Variants in THRAP3 observed in about 807,000 individuals in gnomAD.
THRAP3 encodes thyroid hormone receptor-associated protein 3.
Under a neutral mutation model 101.0 loss-of-function variants are expected in THRAP3, and 16 were observed. The observed-to-expected ratio is 0.16, with a 90% CI of 0.11 to 0.24. The LOEUF (loss-of-function observed/expected upper bound fraction) is 0.24. Ranked by LOEUF, THRAP3 falls within the 10% of genes least tolerant of loss-of-function variation. The pLI is 1.00. For missense variants in THRAP3, 989 were observed against 1,202.7 expected, an observed-to-expected ratio of 0.82 and a Z score of 2.63; for synonymous variants, 407 against 422.6, an observed-to-expected ratio of 0.96 and a Z score of 0.45.
chr1:36,274,090 A>AGT (rs1557437768), intron 2 of THRAP3, among the ~76,000 whole-genome samples: 4 of 143,860 alleles, frequency 2.8e-5, no homozygotes, highest in African/African-American at 1.2e-4. Flanking sequence ...ACACACACAC[A>AGT]CACACACACA....
chr1:36,287,549 A>G (rs1645812190), intron 4 of THRAP3: 2 of 985,334 alleles, frequency 2.0e-6, no homozygotes, highest in Non-Finnish European at 2.4e-6. Flanking sequence ...TACCAATGTA[A>G]GCCAAAGAAC....
intron 1 of THRAP3, among the ~76,000 whole-genome samples, chr1:36,258,275 C>T (rs1464865291): frequency 7.2e-5 from 11 of 152,186 alleles, no homozygotes; most frequent in Admixed American, 7.2e-4. Flanking sequence ...AGTGAGGAAT[C>T]AGGGGAAGAA....
At position 36,261,395 on chromosome 1, in the gene THRAP3, C is replaced by T. The variant is rs1180830897; in HGVS notation, c.-32+1911C>T. The stretch of plus-strand genomic sequence containing the variant: ...AAAATACAAAAAAACTAGCCAGGCA[C>T]GGTGGTGGGCGCCTGTAGTCCCAGC... On this transcript the variant is annotated intron_variant, in intron 2 of 11. Coordinates refer to ENST00000354618, the MANE Select transcript of THRAP3 (RefSeq NM_005119.4). Among the ~76,000 whole-genome samples, 13 of 151,998 alleles carry T rather than the reference C, an allele frequency of 8.6e-5. No homozygotes were observed. The East Asian group carries it at 9.7e-4, about 11-fold the overall frequency.
chr1:36,229,339 G>A (rs1307740601), intron 1 of THRAP3, among the ~76,000 whole-genome samples: 4 of 150,432 alleles, frequency 2.7e-5, no homozygotes, highest in Non-Finnish European at 5.9e-5. Flanking sequence ...CTCGTGATCT[G>A]CCCGCCTCAG....
chr1:36,220,222 A>C (rs1331451206), upstream of THRAP3, among the ~76,000 whole-genome samples: 2 of 152,050 alleles, frequency 1.3e-5, no homozygotes, highest in Admixed American at 1.3e-4. Flanking sequence ...CAAAGTCCTG[A>C]CCTCAAGTGA....
chr1:36,211,062 A>T, the THRAP3 span, among the ~76,000 whole-genome samples: 2 of 151,564 alleles, frequency 1.3e-5, no homozygotes, highest in African/African-American at 2.4e-5. Context: ...AAAAAAAATT[A>T]AAAACCCGGG....
chr1:36,211,893 T>C, the THRAP3 span, among the ~76,000 whole-genome samples: 2 of 152,202 alleles, frequency 1.3e-5, no homozygotes, highest in African/African-American at 4.8e-5. Context: ...TGATTTCCCT[T>C]TCCAGCTTCC....
chr1:36,289,514 T>A lies in THRAP3; in HGVS notation c.1495T>A (p.Ser499Thr), dbSNP rs751910995. The A allele has an allele frequency of 1.4e-5, 23 of 1,613,378 alleles. No individual in the cohort carries two copies. Among genetic ancestry groups the A allele is most frequent in the South Asian group, 6.6e-5 (6 of 91,052 alleles). The change falls in exon 5 of 12, where the codon TCC becomes ACC. Residue 499 changes from serine (S) to threonine (T), a missense_variant. By Grantham distance (58) the Ser-to-Thr change is moderately conservative. Transcript: ENST00000354618. ...ELEEESFPER[S>T]KKEDRGKRSE... is the part of the protein sequence containing the mutation. ...GGAGGAGGAGTCTTTCCCAGAGAGA[T>A]CCAAAAAGGAAGATCGGGGCAAGAG...
At chr1:36,266,037 C>T (rs1645509822) in intron 2 of THRAP3, among the ~76,000 whole-genome samples, 1 of 151,746 alleles carries the variant, frequency 6.6e-6, no homozygotes. Context: ...ACCTGTAATC[C>T]CAGCTACTCG....
At chr1:36,210,746 A>ATATATCATATATATATCAT in the THRAP3 span, among the ~76,000 whole-genome samples, 1 of 98,852 alleles carries the variant, frequency 1.0e-5, no homozygotes, top group African/African-American at 3.9e-5. Flanking sequence ...TCATATATAT[A>ATATATCATATATATATCAT]AAGTGTCAGC....
chr1:36,283,459 A>C (rs1012111142), intron 3 of THRAP3, among the ~76,000 whole-genome samples: 1 of 152,314 alleles, frequency 6.6e-6, no homozygotes, highest in Non-Finnish European at 1.5e-5. Context: ...GATAGATAAG[A>C]AGCTTTCAGT....
At chr1:36,293,381 A>C (rs1253433744) in intron 7 of THRAP3, among the ~76,000 whole-genome samples, 1 of 152,128 alleles carries the variant, frequency 6.6e-6, no homozygotes, top group Non-Finnish European at 1.5e-5. Flanking sequence ...TGGTAGTTTA[A>C]TCATGGGTAG....
intron 5 of THRAP3, 60 bp downstream of exon 5, chr1:36,289,824 C>G (rs1645843079): frequency 3.9e-6 from 6 of 1,524,074 alleles, no homozygotes; most frequent in Non-Finnish European, 8.8e-7. Context: ...GTCGCCTAGC[C>G]TTTCTCCCTG....
At chr1:36,219,967 A>C (rs1312158709), upstream of THRAP3, among the ~76,000 whole-genome samples, 2 of 152,158 alleles carry the variant, frequency 1.3e-5, no homozygotes, top group Non-Finnish European at 2.9e-5. Context: ...CCTATGCTCT[A>C]CAAATGGAAC....
At chr1:36,210,884 T>C in the THRAP3 span, among the ~76,000 whole-genome samples, 1 of 147,538 alleles carries the variant, frequency 6.8e-6, no homozygotes, top group African/African-American at 2.5e-5. Context: ...ATTTGCTTAG[T>C]TTGAGATGTG....
chr1:36,301,502 C>G, intron 10 of THRAP3, 51 bp from the exon 11 acceptor site: 1 of 1,590,642 alleles, frequency 6.3e-7, no homozygotes, highest in Non-Finnish European at 8.6e-7. Flanking sequence ...GGGGTTTGTT[C>G]CCCATTCCTG....
intron 1 of THRAP3, among the ~76,000 whole-genome samples, chr1:36,247,364 G>A (rs1342844482): frequency 8.6e-5 from 13 of 151,776 alleles, no homozygotes; most frequent in African/African-American, 2.2e-4. Context: ...TAGCTCTGTC[G>A]TCCAGGCTGG....
intron 8 of THRAP3, 60 bp from the exon 9 acceptor site, chr1:36,296,523 G>A (rs1645953209): frequency 7.1e-7 from 1 of 1,406,242 alleles, no homozygotes; most frequent in African/African-American, 1.4e-5. Context: ...CAGTTTGTGG[G>A]ATGGTTGAGT....
At chr1:36,274,821 C>T (rs542452478) in intron 2 of THRAP3, among the ~76,000 whole-genome samples, 4 of 150,632 alleles carry the variant, frequency 2.7e-5, no homozygotes, top group Admixed American at 6.6e-5. Context: ...TTAGTAGAGA[C>T]GGGGTTTCAC....
Sources: allele counts gnomAD v4.1 joint callset (sites outside exome capture counted in the v4.1 genomes callset), GRCh38; gene constraint gnomAD v4.1.1; transcripts MANE v1.5; gene names NCBI Gene and HGNC (gene_info 2026-07-23, HGNC 2026-07-21).